SYNJ2BP: variants seen among roughly 807,000 people sequenced by gnomAD.
The protein encoded by SYNJ2BP is synaptojanin 2 binding protein, also known as synaptojanin-2-binding protein.
Under a neutral mutation model 16.9 loss-of-function variants are expected in SYNJ2BP, and 10 were observed. The ratio of observed to expected loss-of-function variants is 0.59; its 90% CI spans 0.36 to 1.00. SYNJ2BP has a LOEUF of 1.00. SYNJ2BP is among the 50% of genes least tolerant of loss of function. The probability of loss-of-function intolerance (pLI) is 0.01; values close to 1 mark genes in which losing one functional copy is unlikely to be tolerated. For missense variants in SYNJ2BP, 162 were observed against 186.7 expected (o/e 0.87, Z 0.77); for synonymous variants, 54 against 68.4 (o/e 0.79, Z 1.04).
chr14:70,367,155 G>A lies in SYNJ2BP; in HGVS notation c.*5836C>T, dbSNP rs1187415500. 6.6e-6 allele frequency: 1 copy of A among 152,148 alleles called. No individual in the cohort carries two copies. The highest frequency in any genetic ancestry group is 1.5e-5 in the Non-Finnish European group (1 of 68,026). 9.4% of individuals were successfully genotyped at this position (152,148 alleles called of 1,614,324 possible). On this transcript the variant is annotated 3_prime_UTR_variant, in exon 4 of 4. Coordinates refer to ENST00000256366, the MANE Select transcript of SYNJ2BP (RefSeq NM_018373.3). Reference sequence around the variant, plus strand: ...GTGAGGAAAACCTGGAAACAGGACCGAGTGTTTGCTATCACTTGATTCCTT... The same window carrying A: ...GTGAGGAAAACCTGGAAACAGGACCAAGTGTTTGCTATCACTTGATTCCTT...
At chr14:70,373,786 T>G (rs141953483) in intron 3 of SYNJ2BP, among the ~76,000 whole-genome samples, 2 of 152,356 alleles carry the variant, frequency 1.3e-5, no homozygotes, top group African/African-American at 4.8e-5. Flanking sequence ...AATTTTCTAT[T>G]GGCTAAGTGT....
chr14:70,390,130 C>T (rs7141470), intron 1 of SYNJ2BP, among the ~76,000 whole-genome samples: 223 of 152,130 alleles, frequency 1.5e-3, no homozygotes, highest in African/African-American at 4.6e-3. Context: ...TGACTAAGTG[C>T]TGGAAAGGAT....
At chr14:70,406,425 G>T (rs138235982) in intron 1 of SYNJ2BP, among the ~76,000 whole-genome samples, 2 of 152,226 alleles carry the variant, frequency 1.3e-5, no homozygotes, top group African/African-American at 4.8e-5. Flanking sequence ...GTTTAACTTT[G>T]AAACAAAGAT....
chr14:70,395,187 C>T (rs1888064323), intron 1 of SYNJ2BP, among the ~76,000 whole-genome samples: 1 of 152,156 alleles, frequency 6.6e-6, no homozygotes, highest in Non-Finnish European at 1.5e-5. Flanking sequence ...GTCAAGGTTC[C>T]TATTATTTAC....
chr14:70,407,235 T>C lies in SYNJ2BP; in HGVS notation c.64+9665A>G, dbSNP rs572040603. Among the ~76,000 whole-genome samples, 7 of 152,234 alleles carry C rather than the reference T, an allele frequency of 4.6e-5. No homozygotes were observed. The East Asian group carries it at 1.4e-3, about 29-fold the overall frequency. On this transcript the variant is annotated intron_variant, in intron 1 of 3. Transcript: ENST00000256366. Reference sequence around the variant, plus strand: ...TGAAGTCAGAAGATCACAACCATCCTGACTAACATGGTGAAACCATGTCTC... The same window carrying C: ...TGAAGTCAGAAGATCACAACCATCCCGACTAACATGGTGAAACCATGTCTC...
chr14:70,373,257 C>G, intron 3 of SYNJ2BP, 126 bp from the exon 4 acceptor site: 1 of 1,249,410 alleles, frequency 8.0e-7, no homozygotes, highest in Non-Finnish European at 1.1e-6. Context: ...CCAGCAATAC[C>G]TAGCAGAAGG....
In SYNJ2BP at chr14:70,396,814, C is replaced by G. The variant is rs1017418163; in HGVS notation, c.65-8208G>C. ...CTTTGGAGAAATGTCTACTCAGGTC[C>G]TTTGCTCATTTTTGAATTGGGTTGT... On this transcript the variant is annotated intron_variant, in intron 1 of 3. Coordinates refer to ENST00000256366, the MANE Select transcript of SYNJ2BP (RefSeq NM_018373.3). Among the ~76,000 whole-genome samples, 7 of 152,162 alleles carry G rather than the reference C, an allele frequency of 4.6e-5. No homozygotes were observed. The East Asian group carries it at 1.4e-3, about 29-fold the overall frequency.
intron 1 of SYNJ2BP, among the ~76,000 whole-genome samples, chr14:70,401,231 T>C (rs1566622763): frequency 1.3e-5 from 2 of 152,178 alleles, no homozygotes; most frequent in African/African-American, 4.8e-5. Flanking sequence ...TACTTTATAA[T>C]TGTCTTGGTT....
intron 1 of SYNJ2BP, among the ~76,000 whole-genome samples, chr14:70,411,173 T>C (rs1028808512): frequency 3.3e-5 from 5 of 152,198 alleles, no homozygotes; most frequent in African/African-American, 9.7e-5. Context: ...TGGATCGAAA[T>C]CTTCACTTAA....
At chr14:70,416,316 T>C (rs564623563) in intron 1 of SYNJ2BP, among the ~76,000 whole-genome samples, 1 of 102,446 alleles carries the variant, frequency 9.8e-6, no homozygotes, top group South Asian at 3.0e-4. Flanking sequence ...CTTTTTATTT[T>C]CTTTTTTTTT....
At chr14:70,414,312 A>G (rs4902815) in intron 1 of SYNJ2BP, among the ~76,000 whole-genome samples, 101,037 of 152,140 alleles carry the variant, frequency 0.66, 36,901 homozygotes, top group Non-Finnish European at 0.81. Flanking sequence ...GGAAATGCTT[A>G]TGAAAATTTA....
chr14:70,395,731 A>AT (rs1242930707), intron 1 of SYNJ2BP, among the ~76,000 whole-genome samples: 121 of 152,196 alleles, frequency 8.0e-4, no homozygotes, highest in Non-Finnish European at 2.1e-4. Context: ...ACCACCACCT[A>AT]TATCTGGAAC....
intron 1 of SYNJ2BP, among the ~76,000 whole-genome samples, chr14:70,399,778 G>C (rs113069523): frequency 0.023 from 3,498 of 152,276 alleles, 117 homozygotes; most frequent in African/African-American, 0.079. Flanking sequence ...TTTTCTCTCA[G>C]GATCCTATCT....
Position 70,416,987 on chromosome 14 carries a change from T to A in SYNJ2BP, c.-24A>T. ...ATGTTTTACAGCTCGTCTGGCTTCCTACTTGGGTCAGCTGGAGTGCAGCAC... is the reference window on the plus strand; with the variant it reads ...ATGTTTTACAGCTCGTCTGGCTTCCAACTTGGGTCAGCTGGAGTGCAGCAC... On this transcript the variant is annotated 5_prime_UTR_variant, in exon 1 of 4. Transcript: ENST00000256366. 6.2e-7 allele frequency: 1 copy of A among 1,614,194 alleles called. No individual in the cohort carries two copies. Among genetic ancestry groups the A allele is most frequent in the African/African-American group, 1.3e-5 (1 of 75,048 alleles).
chr14:70,391,062 T>C (rs1435955902), intron 1 of SYNJ2BP, among the ~76,000 whole-genome samples: 1 of 151,962 alleles, frequency 6.6e-6, no homozygotes, highest in Non-Finnish European at 1.5e-5. Flanking sequence ...GAGGCAGAGG[T>C]TGCAGTGAGC....
intron 2 of SYNJ2BP, among the ~76,000 whole-genome samples, chr14:70,379,507 A>C (rs1229951461): frequency 6.6e-6 from 1 of 152,210 alleles, no homozygotes; most frequent in Non-Finnish European, 1.5e-5. Context: ...CTTCCCTTTT[A>C]AAAAATTCTA....
intron 1 of SYNJ2BP, among the ~76,000 whole-genome samples, chr14:70,411,358 A>G (rs1888469096): frequency 6.6e-6 from 1 of 152,224 alleles, no homozygotes; most frequent in Admixed American, 6.5e-5. Flanking sequence ...GAGAACATCT[A>G]TCCTAGGTAA....
chr14:70,373,110 T>C lies in SYNJ2BP; in HGVS notation c.319A>G (p.Ile107Val), dbSNP rs779369416. ...QHRLQVQNGP[I>V]GHRGEGDPSG... Reference sequence around the variant, plus strand: ...GGGTCCCCTTCACCTCGATGTCCTATAGGTCCATTCTGCACCTGTAACTGG... The same window carrying C: ...GGGTCCCCTTCACCTCGATGTCCTACAGGTCCATTCTGCACCTGTAACTGG... The change falls in exon 4 of 4, where the codon ATA becomes GTA. Residue 107 changes from isoleucine to valine, a missense_variant. Ile to Val is a conservative substitution (Grantham distance 29). Coordinates refer to ENST00000256366, the MANE Select transcript of SYNJ2BP (RefSeq NM_018373.3). 62 of 1,614,002 alleles carry C rather than the reference T, an allele frequency of 3.8e-5. No homozygotes were observed. The highest frequency in any genetic ancestry group is 2.5e-5 in the Non-Finnish European group (30 of 1,180,026).
intron 1 of SYNJ2BP, among the ~76,000 whole-genome samples, chr14:70,416,317 CTTTT>C (rs34083947): frequency 4.3e-5 from 6 of 140,840 alleles, no homozygotes; most frequent in African/African-American, 5.1e-5. Flanking sequence ...TTTTTATTTT[CTTTT>C]TTTTTTTTTT....
Sources: gnomAD v4.1 joint callset for allele counts (sites outside exome capture counted in the v4.1 genomes callset) on GRCh38, gnomAD v4.1.1 for gene constraint, MANE v1.5 for transcripts, NCBI Gene and HGNC (gene_info 2026-07-23, HGNC 2026-07-21) for gene names.